CMIP: variants seen among roughly 807,000 people sequenced by gnomAD.
The protein encoded by CMIP is C-Maf-inducing protein.
In CMIP, 13 loss-of-function variants were observed where a neutral mutation model predicts 97.3. The ratio of observed to expected loss-of-function variants is 0.13; its 90% CI spans 0.09 to 0.21. The LOEUF (loss-of-function observed/expected upper bound fraction) is 0.21. Among genes scored for constraint, CMIP ranks in the 10% least tolerant of loss-of-function variants. The pLI is 1.00. For missense variants in CMIP, 847 were observed against 1,024.9 expected (o/e 0.83, Z 2.37); for synonymous variants, 538 against 436.3 (o/e 1.23, Z -2.91).
In CMIP at chr16:81,594,315, C is replaced by T. The variant is rs117234975; in HGVS notation, c.301-13252C>T. ...GTATTTTTTTGTAGAGACGGAGTTT[C>T]GCCATGTTGTCCAGGCTGGTCTTGA... On this transcript the variant is annotated intron_variant, in intron 1 of 20. Coordinates refer to ENST00000537098, the MANE Select transcript of CMIP (RefSeq NM_198390.3). 2.9e-3 allele frequency among the ~76,000 whole-genome samples: 434 copies of T among 151,336 alleles called. 8 individuals carry two copies. Among genetic ancestry groups the T allele is most frequent in the Non-Finnish European group, 1.5e-3 (105 of 67,850 alleles).
chr16:81,475,502 T>A (rs922369688), intron 1 of CMIP, among the ~76,000 whole-genome samples: 1 of 151,594 alleles, frequency 6.6e-6, no homozygotes, highest in African/African-American at 2.4e-5. Flanking sequence ...TTTTTTTTTG[T>A]TATTATATAG....
In CMIP at chr16:81,672,119, G is replaced by C. The variant is rs1272945273; in HGVS notation, c.1034+49G>C. 2.6e-6 allele frequency: 3 copies of C among 1,146,364 alleles called. 1 individual carries two copies. In the South Asian group the frequency reaches 4.0e-5, roughly 15 times the overall value. The allele number at this position is 1,146,364 out of a possible 1,614,324, so 71.0% of individuals were successfully genotyped here. On this transcript the variant is annotated intron_variant, in intron 9 of 20. Coordinates refer to ENST00000537098, the MANE Select transcript of CMIP (RefSeq NM_198390.3). ...CCAGAGGGCTTGGGAGGGGCAAACT[G>C]CCACCCCCATCATGGGCAAAGTCAC... is the stretch of plus-strand genomic sequence containing the variant.
intron 19 of CMIP, among the ~76,000 whole-genome samples, 196 bp from the exon 20 acceptor site, chr16:81,706,818 C>A (rs758750213): frequency 1.3e-5 from 2 of 152,178 alleles, no homozygotes; most frequent in African/African-American, 4.8e-5. Context: ...TCTGTTCAGA[C>A]CAGCACGTGC....
intron 3 of CMIP, among the ~76,000 whole-genome samples, chr16:81,625,809 G>C (rs570564943): frequency 1.7e-4 from 26 of 152,312 alleles, no homozygotes; most frequent in African/African-American, 6.3e-4. Flanking sequence ...CCACCTTCTC[G>C]CTTCCTGAGA....
chr16:81,501,137 T>G (rs2089603229), intron 1 of CMIP, among the ~76,000 whole-genome samples: 1 of 152,246 alleles, frequency 6.6e-6, no homozygotes, highest in African/African-American at 2.4e-5. Context: ...GCGTCCTCCG[T>G]TTTCCTGGAG....
At chr16:81,474,468 T>G (rs1345163276) in intron 1 of CMIP, among the ~76,000 whole-genome samples, 1 of 152,098 alleles carries the variant, frequency 6.6e-6, no homozygotes, top group East Asian at 1.9e-4. Context: ...GCACACTACT[T>G]CTGCTTCATG....
rs2091877999 is a variant in CMIP, at chr16:81,614,306, T to G, written c.427-6570T>G. On this transcript the variant is annotated intron_variant, in intron 2 of 20. Transcript: ENST00000537098. This position sits in a 1 kb window ranked among gnomAD's most constrained non-coding sequence, Gnocchi z 5.3. ...CTAGGTGGCTGGAAGCGGCACGGCA[T>G]TGTTTCTAACTTGTGCTGTGTGTCC... Among the ~76,000 whole-genome samples the G allele has an allele frequency of 6.6e-6, 1 of 152,136 alleles. No individual in the cohort carries two copies. The highest frequency in any genetic ancestry group is 1.5e-5 in the Non-Finnish European group (1 of 68,002).
At chr16:81,562,541 C>T (rs1031707518) in intron 1 of CMIP, among the ~76,000 whole-genome samples, 7 of 152,238 alleles carry the variant, frequency 4.6e-5, no homozygotes, top group Non-Finnish European at 1.0e-4. Context: ...GGCTGGGGCC[C>T]ATGAGAGTAG....
chr16:81,487,414 C>G (rs2089334367), intron 1 of CMIP, among the ~76,000 whole-genome samples: 1 of 152,182 alleles, frequency 6.6e-6, no homozygotes, highest in Non-Finnish European at 1.5e-5. Context: ...GGCCCCAGAC[C>G]AAACCACACA....
At chr16:81,464,917 C>T (rs145804467) in intron 1 of CMIP, 2 of 152,190 alleles carry the variant, frequency 1.3e-5, no homozygotes, top group Admixed American at 6.5e-5. Flanking sequence ...AAATAATGTT[C>T]CATTGACTGG....
At chr16:81,667,396 A>C (rs1484501025) in intron 7 of CMIP, 2 of 152,196 alleles carry the variant, frequency 1.3e-5, no homozygotes, top group African/African-American at 2.4e-5. Flanking sequence ...TCTTGTGGCA[A>C]AGGAGGCGAG....
chr16:81,515,503 G>C (rs1481911894), intron 1 of CMIP, among the ~76,000 whole-genome samples: 1 of 152,184 alleles, frequency 6.6e-6, no homozygotes, highest in Non-Finnish European at 1.5e-5. Flanking sequence ...TTACTATTGA[G>C]TGCTTTGGGA....
At chr16:81,640,735 A>AGC (rs1459158680) in intron 3 of CMIP, among the ~76,000 whole-genome samples, 10 of 62,582 alleles carry the variant, frequency 1.6e-4, no homozygotes, top group African/African-American at 4.1e-4. Flanking sequence ...GTCTCTCTGG[A>AGC]GCATGTGTGT....
chr16:81,446,320 T>TC (rs1374904741), intron 1 of CMIP, among the ~76,000 whole-genome samples: 1 of 151,930 alleles, frequency 6.6e-6, no homozygotes, highest in Admixed American at 6.6e-5. Flanking sequence ...TGGGTAGGAC[T>TC]GGGTCAGCTG....
chr16:81,650,135 C>T (rs893471759), intron 3 of CMIP, among the ~76,000 whole-genome samples: 1 of 152,216 alleles, frequency 6.6e-6, no homozygotes, highest in Non-Finnish European at 1.5e-5. Flanking sequence ...ACATCAACTG[C>T]ATGTTTACTC....
At chr16:81,556,085 G>A (rs913177001) in intron 1 of CMIP, among the ~76,000 whole-genome samples, 5 of 152,128 alleles carry the variant, frequency 3.3e-5, no homozygotes, top group East Asian at 1.9e-4. Flanking sequence ...CAGACCCAGC[G>A]GTGAGCTATT....
chr16:81,677,916 G>A (rs571188412), intron 9 of CMIP, among the ~76,000 whole-genome samples: 9 of 152,336 alleles, frequency 5.9e-5, no homozygotes, highest in Admixed American at 3.9e-4. Flanking sequence ...CAAGAAAGTG[G>A]CCAGTGGCAT....
At chr16:81,510,156 A>G (rs1341034917) in intron 1 of CMIP, among the ~76,000 whole-genome samples, 1 of 152,148 alleles carries the variant, frequency 6.6e-6, no homozygotes, top group African/African-American at 2.4e-5. Context: ...TGACGTCAGC[A>G]TCCTGCTGCG....
intron 1 of CMIP, among the ~76,000 whole-genome samples, chr16:81,538,529 T>C (rs1307502562): frequency 2.0e-5 from 3 of 152,216 alleles, no homozygotes; most frequent in African/African-American, 7.2e-5. Flanking sequence ...TAAGTTGATA[T>C]CTGCAATTTA....
Sources: gnomAD v4.1 joint callset for allele counts (sites outside exome capture counted in the v4.1 genomes callset) on GRCh38, gnomAD v4.1.1 for gene constraint, Gnocchi (gnomAD v3.1) non-coding constraint, MANE v1.5 for transcripts, NCBI Gene and HGNC (gene_info 2026-07-23, HGNC 2026-07-21) for gene names.